ROBO2: variants seen among roughly 807,000 people sequenced by gnomAD.
ROBO2 encodes the protein roundabout homolog 2.
ROBO2 carries 53 observed loss-of-function variants against 160.8 expected under a neutral mutation model. That is an observed-to-expected ratio of 0.33 (90% CI 0.26 to 0.41). ROBO2 has a LOEUF of 0.41. Among genes scored for constraint, ROBO2 ranks in the 10% least tolerant of loss-of-function variants. ROBO2 has a pLI of 1.00. For synonymous variants in ROBO2, 664 were observed against 611.7 expected (o/e 1.09, Z -1.26); for missense variants, 1,577 against 1,722.4 (o/e 0.92, Z 1.49).
chr3:76,698,343 G>A (rs1416607442), intron 2 of ROBO2, among the ~76,000 whole-genome samples: 1 of 152,184 alleles, frequency 6.6e-6, no homozygotes, highest in Non-Finnish European at 1.5e-5. Flanking sequence ...TCTGTTCAGA[G>A]AAATGATAAA....
chr3:76,477,353 T>C (rs1248406141), intron 2 of ROBO2, among the ~76,000 whole-genome samples: 1 of 152,118 alleles, frequency 6.6e-6, no homozygotes, highest in African/African-American at 2.4e-5. Flanking sequence ...AAATTATAAA[T>C]CAGATGATTA....
rs115775179 is a variant in ROBO2 at position 77,377,552 on chromosome 3, C to T, written c.389-99862C>T. On this transcript the variant is annotated intron_variant, in intron 2 of 25. Coordinates refer to ENST00000461745, the Ensembl canonical transcript of ROBO2. ...TCTTGTATACAAGTTGAGTTTTGTTCGTTGTGTTTCATTTATGGGATACAA... is the reference window on the plus strand; with the variant it reads ...TCTTGTATACAAGTTGAGTTTTGTTTGTTGTGTTTCATTTATGGGATACAA... Among the ~76,000 whole-genome samples, 1,045 of 152,126 alleles carry T rather than the reference C, an allele frequency of 6.9e-3. 14 individuals carry two copies. The highest frequency in any genetic ancestry group is 0.024 in the African/African-American group (990 of 41,532).
chr3:76,887,836 A>G (rs557868979), intron 2 of ROBO2, among the ~76,000 whole-genome samples: 1 of 152,232 alleles, frequency 6.6e-6, no homozygotes, highest in East Asian at 1.9e-4. Flanking sequence ...TTTTGTACTC[A>G]TAAGGTTGTA....
At chr3:76,043,512 C>A (rs2067343297) in intron 2 of ROBO2, among the ~76,000 whole-genome samples, 1 of 148,916 alleles carries the variant, frequency 6.7e-6, no homozygotes, top group Admixed American at 6.8e-5. Context: ...CTGTAAAGAC[C>A]ATGGCTGGAG....
At chr3:77,527,700 A>G (rs1372608047) in intron 6 of ROBO2, among the ~76,000 whole-genome samples, 1 of 151,580 alleles carries the variant, frequency 6.6e-6, no homozygotes, top group African/African-American at 2.4e-5. Flanking sequence ...AGAAAAATAT[A>G]TTGTATTAGG....
At chr3:77,462,719 G>A (rs1023356614) in intron 2 of ROBO2, among the ~76,000 whole-genome samples, 6 of 151,930 alleles carry the variant, frequency 3.9e-5, no homozygotes, top group African/African-American at 1.4e-4. Flanking sequence ...GAAGTATAAA[G>A]TAGATGCAGG....
chr3:77,039,265 ATTTCCTTTCC>A (rs367833313), upstream of ROBO2, among the ~76,000 whole-genome samples: 1 of 152,074 alleles, frequency 6.6e-6, no homozygotes, highest in Non-Finnish European at 1.5e-5. Flanking sequence ...AGGTGCTTCT[ATTTCCTTTCC>A]TTTCCTTTCC....
At chr3:76,665,427 T>C (rs2110097651) in intron 2 of ROBO2, among the ~76,000 whole-genome samples, 1 of 152,210 alleles carries the variant, frequency 6.6e-6, no homozygotes. Flanking sequence ...ATGTCAAATG[T>C]TGCACCCACA....
rs1436356584 is a variant in ROBO2 at position 76,510,871 on chromosome 3, A to G, written c.109+573269A>G. ...CAATGAACACATGCCACCTAATGATATGCTGATTATGAAGCAAGCAAAGAT... is the reference window on the plus strand; with the variant it reads ...CAATGAACACATGCCACCTAATGATGTGCTGATTATGAAGCAAGCAAAGAT... On this transcript the variant is annotated intron_variant, in intron 2 of 26. Coordinates refer to the ROBO2 transcript ENST00000487694. Among the ~76,000 whole-genome samples, 4 of 152,220 alleles carry G rather than the reference A, an allele frequency of 2.6e-5. No homozygotes were observed. The East Asian group carries it at 7.7e-4, about 29-fold the overall frequency.
intron 2 of ROBO2, among the ~76,000 whole-genome samples, chr3:77,110,059 C>T (rs987204089): frequency 2.6e-5 from 4 of 152,114 alleles, no homozygotes; most frequent in Admixed American, 6.6e-5. Flanking sequence ...TACATATTGA[C>T]ATTTGAGAGC....
intron 2 of ROBO2, among the ~76,000 whole-genome samples, chr3:77,274,174 G>A (rs6763655): frequency 0.67 from 101,634 of 151,996 alleles, 35,181 homozygotes; most frequent in African/African-American, 0.83. Flanking sequence ...AGAAACATTC[G>A]TCACACAGGT....
At chr3:76,244,284 A>C (rs561500172) in intron 2 of ROBO2, among the ~76,000 whole-genome samples, 1 of 152,268 alleles carries the variant, frequency 6.6e-6, no homozygotes, top group East Asian at 1.9e-4. Context: ...TTGTAACATA[A>C]ATTTTGGCTG....
intron 2 of ROBO2, among the ~76,000 whole-genome samples, chr3:75,944,540 A>C (rs1948197844): frequency 6.6e-6 from 1 of 152,110 alleles, no homozygotes. Flanking sequence ...GCACCTTTCC[A>C]TTATAAAGGC....
At chr3:76,754,259 G>A (rs1212350018) in intron 2 of ROBO2, among the ~76,000 whole-genome samples, 1 of 151,876 alleles carries the variant, frequency 6.6e-6, no homozygotes, top group Admixed American at 6.6e-5. Context: ...AGAGAAATTA[G>A]AATATAAGAC....
At chr3:76,472,855 G>C (rs1305079890) in intron 2 of ROBO2, among the ~76,000 whole-genome samples, 3 of 152,182 alleles carry the variant, frequency 2.0e-5, no homozygotes, top group Non-Finnish European at 4.4e-5. Flanking sequence ...GATGTTGATA[G>C]ATGTGATCGC....
chr3:77,588,924 A>G (rs749696302), exon 17 of ROBO2: 5 of 1,613,294 alleles, frequency 3.1e-6, no homozygotes, highest in Non-Finnish European at 4.2e-6. Context: ...GGGACTCAGT[A>G]ATTATGCTGG....
At chr3:77,000,816 C>T (rs1298109911) in intron 2 of ROBO2, among the ~76,000 whole-genome samples, 2 of 152,002 alleles carry the variant, frequency 1.3e-5, no homozygotes, top group African/African-American at 2.4e-5. Context: ...TAAAAAATAC[C>T]TTTCACATCT....
intron 2 of ROBO2, among the ~76,000 whole-genome samples, chr3:76,776,325 A>G (rs952488350): frequency 6.6e-6 from 1 of 150,974 alleles, no homozygotes; most frequent in Non-Finnish European, 1.5e-5. Flanking sequence ...CATATGTGTG[A>G]AGCATTTGTT....
chr3:76,823,858 A>G (rs986269513), intron 2 of ROBO2, among the ~76,000 whole-genome samples: 2 of 152,186 alleles, frequency 1.3e-5, no homozygotes, highest in African/African-American at 4.8e-5. Context: ...AGGCATAAGA[A>G]AAAAGAATAA....
Sources: allele counts gnomAD v4.1 joint callset (sites outside exome capture counted in the v4.1 genomes callset), GRCh38; gene constraint gnomAD v4.1.1; transcripts MANE v1.5; gene names NCBI Gene and HGNC (gene_info 2026-07-23, HGNC 2026-07-21).